PAPPA2: variants seen among roughly 807,000 people sequenced by gnomAD.
PAPPA2 encodes the protein pappalysin-2.
A neutral mutation model predicts 176.4 loss-of-function variants in PAPPA2; 86 were observed. That is an observed-to-expected ratio of 0.49 (90% CI 0.41 to 0.58). PAPPA2 has a LOEUF of 0.58. PAPPA2 is among the 20% of genes least tolerant of loss of function. PAPPA2 has a pLI of 0.00. For missense variants in PAPPA2, 2,073 were observed against 2,256.9 expected, an observed-to-expected ratio of 0.92 and a Z score of 1.65; for synonymous variants, 809 against 852.2, an observed-to-expected ratio of 0.95 and a Z score of 0.88.
intron 4 of PAPPA2, among the ~76,000 whole-genome samples, chr1:176,683,409 T>C (rs866935562): frequency 2.0e-5 from 3 of 152,300 alleles, no homozygotes; most frequent in South Asian, 2.1e-4. Context: ...TCGTTTTCCA[T>C]GTACAAGTTG....
chr1:176,743,125 C>T (rs752625059), intron 14 of PAPPA2, among the ~76,000 whole-genome samples: 3 of 152,150 alleles, frequency 2.0e-5, no homozygotes, highest in Non-Finnish European at 4.4e-5. Flanking sequence ...AATGAAAAAG[C>T]AAGCCTGGCA....
At chr1:176,734,225 T>A (rs960045597) in intron 12 of PAPPA2, among the ~76,000 whole-genome samples, 1 of 152,142 alleles carries the variant, frequency 6.6e-6, no homozygotes, top group African/African-American at 2.4e-5. Context: ...AATCACAGTT[T>A]GAGGACATGC....
intron 4 of PAPPA2, among the ~76,000 whole-genome samples, chr1:176,687,958 G>A (rs1659927071): frequency 6.6e-6 from 1 of 152,090 alleles, no homozygotes. Context: ...AGGGTAGTAT[G>A]GTGTGCTGCA....
At chr1:176,615,082 T>G (rs1410533573) in intron 3 of PAPPA2, among the ~76,000 whole-genome samples, 1 of 152,238 alleles carries the variant, frequency 6.6e-6, no homozygotes, top group Non-Finnish European at 1.5e-5. Context: ...AAAGCATTTC[T>G]ACCTTTAAAA....
At chr1:176,702,841 A>T in intron 9 of PAPPA2, 106 bp downstream of exon 9, 1 of 1,416,548 alleles carries the variant, frequency 7.1e-7, no homozygotes, top group Non-Finnish European at 9.5e-7. Flanking sequence ...CTCTAAACAG[A>T]AGTTTCAGGA....
intron 1 of PAPPA2, among the ~76,000 whole-genome samples, chr1:176,520,042 G>A (rs1307945628): frequency 2.0e-5 from 3 of 152,188 alleles, no homozygotes; most frequent in African/African-American, 7.2e-5. Flanking sequence ...AGTCTTAGAA[G>A]TTGGCTCAGG....
At chr1:176,773,871 A>G (rs1267132859) in intron 17 of PAPPA2, among the ~76,000 whole-genome samples, 19 of 152,028 alleles carry the variant, frequency 1.2e-4, no homozygotes, top group Admixed American at 1.2e-3. Flanking sequence ...GCTGGATTTG[A>G]CTTCCTCTGA....
chr1:176,599,527 G>T (rs1385099833), intron 3 of PAPPA2, among the ~76,000 whole-genome samples: 4 of 125,714 alleles, frequency 3.2e-5, no homozygotes, highest in Admixed American at 7.8e-5. Context: ...TTTTTTTTGA[G>T]ATTTCTTTGA....
chr1:176,692,853 A>G (rs1660181093), intron 6 of PAPPA2, among the ~76,000 whole-genome samples: 1 of 152,066 alleles, frequency 6.6e-6, no homozygotes, highest in African/African-American at 2.4e-5. Flanking sequence ...TGGAATTGTC[A>G]TCCTCTGCTT....
Position 176,695,731 on chromosome 1 carries a change from T to A in PAPPA2, c.2625-7T>A, listed in dbSNP as rs547689536. ...CATCTCCCATCTCCATCCCTTTATC[T>A]CCCCAGGGCCTCAGGCAGCTTGTGT... On this transcript the variant is annotated splice_region_variant and splice_polypyrimidine_tract_variant and intron_variant, in intron 6 of 22. Coordinates refer to ENST00000367662, the MANE Select transcript of PAPPA2 (RefSeq NM_020318.3). 6.2e-7 allele frequency: 1 copy of A among 1,613,772 alleles called. No individual in the cohort carries two copies. Among genetic ancestry groups the A allele is most frequent in the South Asian group, 1.1e-5 (1 of 91,036 alleles).
At chr1:176,745,346 C>T (rs1662857706) in intron 14 of PAPPA2, among the ~76,000 whole-genome samples, 1 of 152,140 alleles carries the variant, frequency 6.6e-6, no homozygotes, top group Non-Finnish European at 1.5e-5. Context: ...TCAGTTGGCT[C>T]TTCATCACAA....
intron 2 of PAPPA2, among the ~76,000 whole-genome samples, chr1:176,575,217 G>A (rs1211645145): frequency 6.6e-6 from 1 of 152,114 alleles, no homozygotes; most frequent in Non-Finnish European, 1.5e-5. Flanking sequence ...AGTGACCCAA[G>A]CCCTTTGCTT....
intron 21 of PAPPA2, among the ~76,000 whole-genome samples, chr1:176,815,442 GA>G (rs1156584232): frequency 2.0e-5 from 3 of 152,240 alleles, no homozygotes; most frequent in Middle Eastern, 6.8e-3. Context: ...TCTCTCAGCA[GA>G]GGCCATCACT....
intron 1 of PAPPA2, among the ~76,000 whole-genome samples, chr1:176,471,179 C>T (rs568679198): frequency 3.2e-4 from 48 of 152,186 alleles, no homozygotes; most frequent in African/African-American, 1.1e-3. Context: ...AGGAAAATTA[C>T]GGTGGATTCT....
At chr1:176,514,384 C>G (rs574683201) in intron 1 of PAPPA2, among the ~76,000 whole-genome samples, 9 of 152,302 alleles carry the variant, frequency 5.9e-5, no homozygotes, top group Admixed American at 5.2e-4. Flanking sequence ...AAGGGATCTG[C>G]CCCATGACCC....
intron 1 of PAPPA2, among the ~76,000 whole-genome samples, chr1:176,520,304 C>T (rs1463819845): frequency 1.3e-5 from 2 of 152,180 alleles, no homozygotes; most frequent in Admixed American, 1.3e-4. Context: ...AAAATGTTCA[C>T]CCTCTTAGCT....
chr1:176,660,334 GTT>G (rs140299082), intron 3 of PAPPA2, among the ~76,000 whole-genome samples: 1,437 of 137,612 alleles, frequency 0.01, 9 homozygotes, highest in African/African-American at 0.016. Context: ...GTAATTGTTT[GTT>G]TGTGTGTGTG....
chr1:176,708,550 G>GAGAGAC (rs1452282919), intron 10 of PAPPA2, among the ~76,000 whole-genome samples: 4 of 151,664 alleles, frequency 2.6e-5, no homozygotes, highest in Non-Finnish European at 5.9e-5. Context: ...GAGAGAGAGA[G>GAGAGAC]AGAGAGAGAA....
At chr1:176,835,266 C>A (rs546621256) in intron 21 of PAPPA2, among the ~76,000 whole-genome samples, 4 of 152,260 alleles carry the variant, frequency 2.6e-5, no homozygotes, top group African/African-American at 9.6e-5. Flanking sequence ...GACAGTTCAC[C>A]TTTTTAAGGC....
Sources: gnomAD v4.1 joint callset for allele counts (sites outside exome capture counted in the v4.1 genomes callset) on GRCh38, gnomAD v4.1.1 for gene constraint, MANE v1.5 for transcripts, NCBI Gene and HGNC (gene_info 2026-07-23, HGNC 2026-07-21) for gene names.